RANBP2: variants seen among roughly 807,000 people sequenced by gnomAD.
RANBP2 encodes E3 SUMO-protein ligase RanBP2.
RANBP2 carries 57 observed loss-of-function variants against 303.6 expected under a neutral mutation model. That is an observed-to-expected ratio of 0.19 (90% CI 0.15 to 0.23). The LOEUF (loss-of-function observed/expected upper bound fraction) is 0.23, where lower values mean the gene tolerates loss of function less well. Among genes scored for constraint, RANBP2 ranks in the 10% least tolerant of loss-of-function variants. The pLI, the probability that RANBP2 is intolerant of heterozygous loss-of-function variation, is 1.00. For synonymous variants in RANBP2, 1,167 were observed against 1,301.5 expected (o/e 0.90, Z 2.23); for missense variants, 3,138 against 3,780.8 (o/e 0.83, Z 4.46).
the RANBP2 span, among the ~76,000 whole-genome samples, chr2:109,084,755 A>G: frequency 6.6e-6 from 1 of 152,136 alleles, no homozygotes; most frequent in South Asian, 2.1e-4. Flanking sequence ...AGGACCCACC[A>G]CTTGTCAGCA....
At chr2:109,612,898 C>G in the RANBP2 span, among the ~76,000 whole-genome samples, 1 of 152,226 alleles carries the variant, frequency 6.6e-6, no homozygotes, top group Admixed American at 6.5e-5. Flanking sequence ...AATCTCTCAG[C>G]CTGCAATCTG....
chr2:108,722,783 C>T (rs1694371564), intron 1 of RANBP2, among the ~76,000 whole-genome samples: 5 of 150,968 alleles, frequency 3.3e-5, no homozygotes, highest in Admixed American at 2.6e-4. Flanking sequence ...CCCACCTACT[C>T]GGTAGGCTGA....
the RANBP2 span, among the ~76,000 whole-genome samples, chr2:109,468,494 G>A: frequency 6.6e-6 from 1 of 152,118 alleles, no homozygotes; most frequent in African/African-American, 2.4e-5. Flanking sequence ...TCTCAGAGAG[G>A]GCAGGAAGCA....
the RANBP2 span, among the ~76,000 whole-genome samples, chr2:108,849,951 G>A: frequency 1.3e-5 from 2 of 152,238 alleles, no homozygotes; most frequent in Non-Finnish European, 2.9e-5. Context: ...CTGCACACAA[G>A]ACCTGGGGCT....
chr2:108,997,212 T>C, the RANBP2 span, among the ~76,000 whole-genome samples: 1,099 of 151,876 alleles, frequency 7.2e-3, 8 homozygotes, highest in South Asian at 0.03. Context: ...GAGGCTGAGG[T>C]GGGCAAATCA....
At chr2:108,971,587 G>T in the RANBP2 span, among the ~76,000 whole-genome samples, 4 of 151,816 alleles carry the variant, frequency 2.6e-5, no homozygotes, top group Admixed American at 6.5e-5. Context: ...GAATGAAGGT[G>T]TGAGGGTGTG....
At chr2:109,327,484 C>G in the RANBP2 span, among the ~76,000 whole-genome samples, 1 of 149,248 alleles carries the variant, frequency 6.7e-6, no homozygotes, top group East Asian at 1.9e-4. Context: ...CATTTTAAAT[C>G]AATTTGTCAA....
chr2:108,828,344 A>G, the RANBP2 span, among the ~76,000 whole-genome samples: 16 of 152,362 alleles, frequency 1.1e-4, no homozygotes, highest in East Asian at 3.1e-3. Context: ...TATATGTCAA[A>G]GAATACTACT....
chr2:109,312,645 A>G, the RANBP2 span, among the ~76,000 whole-genome samples: 1 of 152,232 alleles, frequency 6.6e-6, no homozygotes, highest in Admixed American at 6.5e-5. Flanking sequence ...CCTTTGGTCT[A>G]GCTTCTTTTA....
chr2:109,466,227 C>T, the RANBP2 span, among the ~76,000 whole-genome samples: 779 of 152,016 alleles, frequency 5.1e-3, 5 homozygotes, highest in Middle Eastern at 0.034. Flanking sequence ...GGACTACAGG[C>T]GCGTGCCACC....
At chr2:108,730,016 G>T in intron 2 of RANBP2, among the ~76,000 whole-genome samples, 1 of 151,608 alleles carries the variant, frequency 6.6e-6, no homozygotes, top group Non-Finnish European at 1.5e-5. Flanking sequence ...ACTGCTCCCA[G>T]CTGGGAGGCA....
At chr2:109,708,009 A>G in the RANBP2 span, among the ~76,000 whole-genome samples, 1 of 152,220 alleles carries the variant, frequency 6.6e-6, no homozygotes, top group South Asian at 2.1e-4. Context: ...CTGAGGGAAC[A>G]TTGGTCTGGG....
At chr2:109,093,698 T>C in the RANBP2 span, among the ~76,000 whole-genome samples, 3 of 152,204 alleles carry the variant, frequency 2.0e-5, no homozygotes, top group Admixed American at 2.0e-4. Context: ...TATATGTATT[T>C]AAAAGGCCTT....
the RANBP2 span, among the ~76,000 whole-genome samples, chr2:109,623,022 G>A: frequency 6.6e-6 from 1 of 152,114 alleles, no homozygotes; most frequent in South Asian, 2.1e-4. Flanking sequence ...AGCTACTCGG[G>A]AGGCTGAGAA....
the RANBP2 span, among the ~76,000 whole-genome samples, chr2:109,526,378 G>A: frequency 6.6e-6 from 1 of 152,136 alleles, no homozygotes; most frequent in Non-Finnish European, 1.5e-5. Flanking sequence ...TCTGATCTCA[G>A]CTCGCTGCAA....
the RANBP2 span, chr2:108,804,800 TCTTA>T: frequency 1.6e-6 from 2 of 1,235,810 alleles, no homozygotes; most frequent in Admixed American, 3.0e-5. Flanking sequence ...TTGAAGGAGT[TCTTA>T]CTTGTAATTA....
the RANBP2 span, among the ~76,000 whole-genome samples, chr2:109,546,849 T>C: frequency 6.6e-6 from 1 of 152,198 alleles, no homozygotes; most frequent in African/African-American, 2.4e-5. Context: ...ATTTACACTA[T>C]AATAGGAAAA....
chr2:108,725,709 G>T (rs553570367), intron 1 of RANBP2, among the ~76,000 whole-genome samples: 2 of 149,994 alleles, frequency 1.3e-5, no homozygotes, highest in African/African-American at 4.9e-5. Flanking sequence ...GCAGCCTGGC[G>T]ACAGAGCAAG....
At chr2:108,987,416 A>G in the RANBP2 span, among the ~76,000 whole-genome samples, 2 of 152,200 alleles carry the variant, frequency 1.3e-5, no homozygotes, top group East Asian at 1.9e-4. Flanking sequence ...CTGCCGCCCA[A>G]TGGCAGGCAC....
Sources: allele counts gnomAD v4.1 joint callset (sites outside exome capture counted in the v4.1 genomes callset), GRCh38; gene constraint gnomAD v4.1.1; transcripts MANE v1.5; gene names NCBI Gene and HGNC (gene_info 2026-07-23, HGNC 2026-07-21).